RNF180: variants seen among roughly 807,000 people sequenced by gnomAD.
RNF180 encodes ring finger protein 180.
Under a neutral mutation model 59.2 loss-of-function variants are expected in RNF180, and 38 were observed. That is an observed-to-expected ratio of 0.64 (90% CI 0.50 to 0.84). RNF180 has a LOEUF of 0.84. Ranked by LOEUF, RNF180 falls within the 40% of genes least tolerant of loss-of-function variation. RNF180 has a pLI of 0.00. For synonymous variants in RNF180, 262 were observed against 240.3 expected (o/e 1.09, Z -0.84); for missense variants, 705 against 700.9 (o/e 1.01, Z -0.07).
chr5:64,270,279 C>T (rs754874613), intron 5 of RNF180, among the ~76,000 whole-genome samples: 1 of 152,082 alleles, frequency 6.6e-6, no homozygotes, highest in Non-Finnish European at 1.5e-5. Context: ...TTTACATCAC[C>T]AAAGCTGTGT....
At chr5:64,191,063 A>T (rs1428192699) in intron 1 of RNF180, among the ~76,000 whole-genome samples, 1 of 152,150 alleles carries the variant, frequency 6.6e-6, no homozygotes, top group Non-Finnish European at 1.5e-5. Flanking sequence ...TTTTTTTGTT[A>T]ATGAATACCA....
At chr5:64,233,328 A>C (rs960265481) in intron 5 of RNF180, among the ~76,000 whole-genome samples, 1 of 152,248 alleles carries the variant, frequency 6.6e-6, no homozygotes, top group African/African-American at 2.4e-5. Context: ...ATTGGCAAAC[A>C]GGACTGTCTA....
intron 7 of RNF180, among the ~76,000 whole-genome samples, chr5:64,337,697 C>T (rs1745189247): frequency 7.0e-6 from 1 of 142,986 alleles, no homozygotes; most frequent in African/African-American, 2.6e-5. Context: ...TGATGTTCCC[C>T]TTTCTGTGTC....
At position 64,213,874 on chromosome 5, in the gene RNF180, G is replaced by A. The variant is rs1274144875; in HGVS notation, c.548G>A (p.Cys183Tyr). 1.5e-5 allele frequency: 25 copies of A among 1,614,090 alleles called. No individual in the cohort carries two copies. Among genetic ancestry groups the A allele is most frequent in the Non-Finnish European group, 2.1e-5 (25 of 1,180,014 alleles). The change falls in exon 4 of 8, where the codon TGC becomes TAC. Residue 183 changes from cysteine to tyrosine, a missense_variant. Physicochemically the swap from Cys to Tyr is radical, Grantham distance 194. Coordinates refer to ENST00000389100, the MANE Select transcript of RNF180 (RefSeq NM_001113561.2). ...NDPGRLTEAL[C>Y]LEVRPTYFEM... ...CCTGGAAGATTAACAGAAGCACTCT[G>A]CCTGGAGGTGCGACCAACATATTTT... is the stretch of plus-strand genomic sequence containing the variant.
At chr5:64,364,850 A>G (rs537528363) in intron 7 of RNF180, among the ~76,000 whole-genome samples, 1 of 151,524 alleles carries the variant, frequency 6.6e-6, no homozygotes, top group Middle Eastern at 3.4e-3. Flanking sequence ...TCTAGTTTGT[A>G]TGCATACAAG....
intron 7 of RNF180, among the ~76,000 whole-genome samples, chr5:64,368,249 A>G (rs1746524985): frequency 6.6e-6 from 1 of 151,748 alleles, no homozygotes; most frequent in African/African-American, 2.4e-5. Context: ...TCTTCTTAGA[A>G]CTTTGCTCAA....
chr5:64,264,368 C>G (rs1744533468), intron 5 of RNF180, among the ~76,000 whole-genome samples: 1 of 152,098 alleles, frequency 6.6e-6, no homozygotes, highest in Non-Finnish European at 1.5e-5. Flanking sequence ...TATTCTAATG[C>G]TATCCCTCCC....
At chr5:64,317,114 A>G (rs1744078816) in intron 5 of RNF180, among the ~76,000 whole-genome samples, 1 of 152,154 alleles carries the variant, frequency 6.6e-6, no homozygotes, top group African/African-American at 2.4e-5. Context: ...GGACCCACCC[A>G]GTTCAAACCC....
intron 5 of RNF180, among the ~76,000 whole-genome samples, chr5:64,285,327 G>T (rs950457871): frequency 2.0e-5 from 3 of 152,218 alleles, no homozygotes; most frequent in African/African-American, 7.2e-5. Context: ...AGCAGCAGCA[G>T]CAGGTTGTAT....
intron 5 of RNF180, among the ~76,000 whole-genome samples, chr5:64,249,271 C>T (rs1212125877): frequency 1.3e-5 from 2 of 151,812 alleles, no homozygotes; most frequent in Non-Finnish European, 2.9e-5. Flanking sequence ...AAAAAATAAG[C>T]TCACTGTCAA....
At chr5:64,219,680 ATT>A (rs112730954) in intron 5 of RNF180, among the ~76,000 whole-genome samples, 22 of 147,888 alleles carry the variant, frequency 1.5e-4, no homozygotes, top group Non-Finnish European at 9.0e-5. Flanking sequence ...CGCTCAGCTA[ATT>A]TTTTTTTTTT....
At chr5:64,364,835 G>A (rs1746386458) in intron 7 of RNF180, among the ~76,000 whole-genome samples, 1 of 151,588 alleles carries the variant, frequency 6.6e-6, no homozygotes, top group South Asian at 2.1e-4. Context: ...ATTTGTTGTA[G>A]ATTTTCTAGT....
chr5:64,317,212 C>G (rs749321877), intron 5 of RNF180, among the ~76,000 whole-genome samples: 1 of 152,032 alleles, frequency 6.6e-6, no homozygotes, highest in Non-Finnish European at 1.5e-5. Flanking sequence ...TGGTTCCAGA[C>G]CATCACAGTA....
At chr5:64,290,743 C>T (rs942085460) in intron 5 of RNF180, among the ~76,000 whole-genome samples, 1 of 152,162 alleles carries the variant, frequency 6.6e-6, no homozygotes, top group Non-Finnish European at 1.5e-5. Context: ...TTTCCTCCAT[C>T]CCTTTAGTTT....
intron 5 of RNF180, among the ~76,000 whole-genome samples, chr5:64,317,407 G>A (rs544294798): frequency 6.6e-6 from 1 of 152,024 alleles, no homozygotes; most frequent in Non-Finnish European, 1.5e-5. Context: ...ATGAGCACAT[G>A]CTATTAGGAG....
intron 5 of RNF180, among the ~76,000 whole-genome samples, chr5:64,225,438 C>T (rs941916120): frequency 1.4e-5 from 2 of 143,436 alleles, no homozygotes; most frequent in African/African-American, 5.2e-5. Flanking sequence ...AGCGCCTCTG[C>T]CCAGCCGGCC....
At chr5:64,226,679 GAAA>G (rs992818341) in intron 5 of RNF180, among the ~76,000 whole-genome samples, 3 of 149,592 alleles carry the variant, frequency 2.0e-5, no homozygotes, top group Non-Finnish European at 4.5e-5. Flanking sequence ...AAAAAAAAAA[GAAA>G]AAATTTTTGT....
At chr5:64,315,012 G>T (rs911194874) in intron 5 of RNF180, among the ~76,000 whole-genome samples, 1 of 152,126 alleles carries the variant, frequency 6.6e-6, no homozygotes, top group African/African-American at 2.4e-5. Context: ...AAATCCGTGG[G>T]TCTGTCTTTG....
At chr5:64,301,280 G>A (rs756621957) in intron 5 of RNF180, among the ~76,000 whole-genome samples, 8 of 151,674 alleles carry the variant, frequency 5.3e-5, no homozygotes, top group Non-Finnish European at 8.9e-5. Flanking sequence ...ATGCAAATCT[G>A]TATTAGTATT....
Sources: gnomAD v4.1 joint callset for allele counts (sites outside exome capture counted in the v4.1 genomes callset) on GRCh38, gnomAD v4.1.1 for gene constraint, MANE v1.5 for transcripts, NCBI Gene and HGNC (gene_info 2026-07-23, HGNC 2026-07-21) for gene names.